TAS2R1: variants seen among roughly 807,000 people sequenced by gnomAD.
TAS2R1 encodes taste receptor type 2 member 1.
For synonymous variants in TAS2R1, 141 were observed against 134.2 expected (o/e 1.05, Z -0.35); for missense variants, 370 against 353.4 (o/e 1.05, Z -0.38).
chr5:9,828,647 C>T, the TAS2R1 span, among the ~76,000 whole-genome samples: 23 of 152,320 alleles, frequency 1.5e-4, no homozygotes, highest in African/African-American at 5.3e-4. Context: ...ATTCATATCC[C>T]TGTTTTTCTA....
chr5:9,659,766 ATTTGGC>A (rs1740493633), intron 1 of TAS2R1: 1 of 152,068 alleles, frequency 6.6e-6, no homozygotes, highest in South Asian at 2.1e-4. Context: ...GCACCAACAG[ATTTGGC>A]TTTAATGACT....
At chr5:9,714,798 G>A (rs909706782), upstream of TAS2R1, among the ~76,000 whole-genome samples, 24 of 152,204 alleles carry the variant, frequency 1.6e-4, no homozygotes, top group African/African-American at 5.1e-4. Context: ...CTGAAAGATC[G>A]AAGAGCCAAT....
chr5:9,669,834 C>T lies in TAS2R1; in HGVS notation c.-241-10253G>A, dbSNP rs141490226. ...AGAAAGATCTCAGATTAACAACTAA[C>T]ATCACAGCTAGAGGGACCAGAGAAA... On this transcript the variant is annotated intron_variant, in intron 1 of 2. Coordinates refer to the TAS2R1 transcript ENST00000506620. Among the ~76,000 whole-genome samples the T allele has an allele frequency of 2.0e-3, 306 of 152,174 alleles. 2 individuals carry two copies. Among genetic ancestry groups the T allele is most frequent in the African/African-American group, 7.0e-3 (292 of 41,554 alleles).
chr5:9,711,909 A>G (rs1342471664), intron 1 of TAS2R1, among the ~76,000 whole-genome samples: 2 of 148,372 alleles, frequency 1.3e-5, no homozygotes, highest in East Asian at 4.0e-4. Context: ...CAGGCGATGC[A>G]CCCACCTCGG....
the TAS2R1 span, among the ~76,000 whole-genome samples, chr5:9,885,493 A>T: frequency 6.6e-6 from 1 of 152,218 alleles, no homozygotes. Flanking sequence ...TGTTTCTGCA[A>T]CATTGCTCTA....
At chr5:9,778,165 C>T in the TAS2R1 span, among the ~76,000 whole-genome samples, 1 of 152,176 alleles carries the variant, frequency 6.6e-6, no homozygotes, top group Admixed American at 6.5e-5. Flanking sequence ...CAGGCGTGAG[C>T]CACCACGCCC....
At chr5:9,768,956 C>T in the TAS2R1 span, among the ~76,000 whole-genome samples, 12 of 152,134 alleles carry the variant, frequency 7.9e-5, no homozygotes, top group Non-Finnish European at 5.9e-5. Flanking sequence ...TCAAAATATA[C>T]AATAAATTAT....
the TAS2R1 span, among the ~76,000 whole-genome samples, chr5:9,853,858 A>G: frequency 6.6e-6 from 1 of 152,190 alleles, no homozygotes; most frequent in African/African-American, 2.4e-5. Flanking sequence ...AAGGTCAATG[A>G]TACTGAGAAG....
At chr5:9,756,907 CT>C in the TAS2R1 span, among the ~76,000 whole-genome samples, 3 of 151,984 alleles carry the variant, frequency 2.0e-5, no homozygotes, top group Admixed American at 1.3e-4. Context: ...CATAAAGAAC[CT>C]TAGTTCTTTC....
At chr5:9,790,064 T>A in the TAS2R1 span, among the ~76,000 whole-genome samples, 1 of 152,132 alleles carries the variant, frequency 6.6e-6, no homozygotes, top group Admixed American at 6.5e-5. Flanking sequence ...AGGCACAACA[T>A]TATCAGGATG....
the TAS2R1 span, among the ~76,000 whole-genome samples, chr5:9,870,913 A>G: frequency 6.6e-6 from 1 of 152,238 alleles, no homozygotes; most frequent in South Asian, 2.1e-4. Flanking sequence ...CTAACTTAAA[A>G]TGCAAGGTAG....
At chr5:9,710,473 C>T (rs186469802) in intron 1 of TAS2R1, among the ~76,000 whole-genome samples, 2 of 152,266 alleles carry the variant, frequency 1.3e-5, no homozygotes, top group East Asian at 3.9e-4. Context: ...TTTTGTGAAC[C>T]TTTGCCCCTA....
upstream of TAS2R1, among the ~76,000 whole-genome samples, chr5:9,715,225 A>G (rs1734783470): frequency 6.6e-6 from 1 of 152,238 alleles, no homozygotes; most frequent in African/African-American, 2.4e-5. Context: ...GGCATATGGA[A>G]GCAGAGACTG....
the TAS2R1 span, among the ~76,000 whole-genome samples, chr5:9,791,421 G>A: frequency 2.0e-4 from 31 of 152,282 alleles, no homozygotes; most frequent in Admixed American, 3.3e-4. Context: ...AAACCGGACC[G>A]GGTGCAGTGG....
At chr5:9,888,207 A>G in the TAS2R1 span, among the ~76,000 whole-genome samples, 2 of 151,820 alleles carry the variant, frequency 1.3e-5, no homozygotes, top group African/African-American at 4.8e-5. Context: ...CTTTGTCAAG[A>G]GCTCCTTCAC....
chr5:9,677,136 T>C (rs181007583), intron 1 of TAS2R1, among the ~76,000 whole-genome samples: 1 of 152,288 alleles, frequency 6.6e-6, no homozygotes, highest in East Asian at 1.9e-4. Context: ...ACCATTATCG[T>C]TAGCAAACTA....
the TAS2R1 span, chr5:9,862,843 G>A: frequency 6.6e-6 from 1 of 152,194 alleles, no homozygotes; most frequent in East Asian, 1.9e-4. Context: ...TTGAATTACT[G>A]AGCTCAAGCA....
At chr5:9,676,821 G>A (rs1450078641) in intron 1 of TAS2R1, among the ~76,000 whole-genome samples, 2 of 152,104 alleles carry the variant, frequency 1.3e-5, no homozygotes, top group African/African-American at 4.8e-5. Flanking sequence ...GTATAAATTA[G>A]TTCAGCCATT....
chr5:9,743,083 C>G, the TAS2R1 span, among the ~76,000 whole-genome samples: 9 of 151,710 alleles, frequency 5.9e-5, no homozygotes, highest in African/African-American at 2.2e-4. Flanking sequence ...AAAAAAAAGC[C>G]TGAGCCTCTT....
Sources: allele counts gnomAD v4.1 joint callset (sites outside exome capture counted in the v4.1 genomes callset), GRCh38; gene constraint gnomAD v4.1.1; transcripts MANE v1.5; gene names NCBI Gene and HGNC (gene_info 2026-07-23, HGNC 2026-07-21).